Variants in RFK observed in about 807,000 individuals in gnomAD.
RFK encodes riboflavin kinase.
In RFK, 4 loss-of-function variants were observed where a neutral mutation model predicts 17.6. The observed-to-expected ratio is 0.23, with a 90% CI of 0.11 to 0.52. RFK has a LOEUF of 0.52. Ranked by LOEUF, RFK falls within the 20% of genes least tolerant of loss-of-function variation. The pLI, the probability that RFK is intolerant of heterozygous loss-of-function variation, is 0.96. For missense variants in RFK, 189 were observed against 187.7 expected (o/e 1.01, Z -0.04); for synonymous variants, 59 against 63.8 (o/e 0.92, Z 0.36).
chr9:76,391,726 C>A (rs546121889), intron 2 of RFK, among the ~76,000 whole-genome samples: 101 of 152,174 alleles, frequency 6.6e-4, no homozygotes, highest in African/African-American at 2.0e-3. Context: ...CATAAAAAAA[C>A]CAATTATTAA....
At chr9:76,391,806 A>G (rs2131554845) in intron 2 of RFK, among the ~76,000 whole-genome samples, 1 of 152,284 alleles carries the variant, frequency 6.6e-6, no homozygotes, top group East Asian at 1.9e-4. Flanking sequence ...GCATGTACCT[A>G]TAGTCCCAGC....
Position 76,392,420 on chromosome 9 carries a change from T to G in RFK, c.232A>C (p.Met78Leu). 3.1e-6 allele frequency: 5 copies of G among 1,614,146 alleles called. No homozygotes were observed. Among genetic ancestry groups the G allele is most frequent in the Non-Finnish European group, 4.2e-6 (5 of 1,180,012 alleles). The change falls in exon 2 of 4, where the codon ATG becomes CTG. Residue 78 changes from methionine (M) to leucine (L), a missense_variant and splice_region_variant. Physicochemically the swap from Met to Leu is conservative, Grantham distance 15. Around this residue, in one of 3 missense-constraint regions of RFK, gnomAD observed 95 missense variants for 95.7 expected, o/e 0.99. Coordinates refer to ENST00000376736, the MANE Select transcript of RFK (RefSeq NM_018339.6). ...ACAGAGCAAAATATAATGCTTACCA[T>G]AGACTTCTTCGTATTCTTGTAATAT... ...NPYYKNTKKS[M>L]ETHIMHTFKE... is the part of the protein sequence containing the mutation.
intron 1 of RFK, chr9:76,393,780 C>T: frequency 2.4e-6 from 1 of 420,480 alleles, no homozygotes; most frequent in South Asian, 4.2e-5. Flanking sequence ...AAGACAAGCG[C>T]AATGCTTGAC....
intron 3 of RFK, chr9:76,388,140 C>T (rs1822763977): frequency 2.5e-6 from 1 of 392,590 alleles, no homozygotes; most frequent in South Asian, 1.9e-5. Context: ...GTAAAAGAAA[C>T]TTTATAACAG....
At position 76,392,420 on chromosome 9, in the gene RFK, T is replaced by C. The variant is rs78648454; in HGVS notation, c.232A>G (p.Met78Val). Residue 78 changes from methionine to valine, a missense_variant and splice_region_variant, in exon 2 of 4, where the codon ATG (methionine) becomes GTG (valine). Met to Val is a conservative substitution (Grantham distance 21, BLOSUM62 1). Transcript: ENST00000376736. ...ACAGAGCAAAATATAATGCTTACCA[T>C]AGACTTCTTCGTATTCTTGTAATAT... ...NPYYKNTKKS[M>V]ETHIMHTFKE... 280 of 1,614,144 alleles carry C rather than the reference T, an allele frequency of 1.7e-4. 1 individual carries two copies. The East Asian group carries it at 2.1e-3, about 12-fold the overall frequency.
Position 76,394,323 on chromosome 9 carries a change from C to T in RFK, c.-152G>A. On this transcript the variant is annotated 5_prime_UTR_variant, in exon 1 of 4. Transcript: ENST00000376736. The stretch of plus-strand genomic sequence containing the variant: ...GCACCAGTGGCCGGACGACGCCGAC[C>T]ACAGGCCACTGCGAATCCCTGACGC... 1 of 640,796 alleles carries T rather than the reference C, an allele frequency of 1.6e-6. No homozygotes were observed. Among genetic ancestry groups the T allele is most frequent in the Non-Finnish European group, 2.5e-6 (1 of 399,636 alleles). 39.7% of individuals were successfully genotyped at this position (640,796 alleles called of 1,614,324 possible).
chr9:76,393,186 G>A (rs1198154229), intron 1 of RFK, among the ~76,000 whole-genome samples: 2 of 150,236 alleles, frequency 1.3e-5, no homozygotes, highest in African/African-American at 4.9e-5. Flanking sequence ...ACCAGGTACT[G>A]AATCACCTGA....
At position 76,387,477 on chromosome 9, in the gene RFK, T is replaced by C. The variant is rs188158713; in HGVS notation, c.390A>G (p.Leu130=). Residue 130 remains leucine, a synonymous_variant, in exon 4 of 4, where the codon CTA becomes CTG. Transcript: ENST00000376736. ...QGDIEEAKKR[L]ELPEHLKIKE... ...TGATTTTCAAATGTTCTGGTAACTC[T>C]AGTCGTTTCTTAGCTTCTTCAATAT... is the stretch of plus-strand genomic sequence containing the variant. 17 of 1,612,044 alleles carry C rather than the reference T, an allele frequency of 1.1e-5. No individual in the cohort carries two copies. Among genetic ancestry groups the C allele is most frequent in the African/African-American group, 1.3e-5 (1 of 75,054 alleles).
intron 1 of RFK, 45 bp downstream of exon 1, chr9:76,394,045 C>G: frequency 1.3e-6 from 2 of 1,542,416 alleles, no homozygotes; most frequent in Non-Finnish European, 1.8e-6. Context: ...TCTCCCCGCT[C>G]CCCACGTGAC....
In RFK at chr9:76,394,237, C is replaced by G. The variant is rs1231207896; in HGVS notation, c.-66G>C. The G allele has an allele frequency of 1.3e-6, 2 of 1,500,002 alleles. No individual in the cohort carries two copies. The highest frequency in any genetic ancestry group is 1.8e-6 in the Non-Finnish European group (2 of 1,112,716). 92.9% of individuals were successfully genotyped at this position (1,500,002 alleles called of 1,614,324 possible). A position where few individuals can be genotyped will look rare whatever the true frequency, so the allele number is the denominator to read the frequency against. Reference sequence around the variant, plus strand: ...GCGTCCTGCGGAGCCGCCGTCGACGCGGCGCCCAGACCCCGGACCAGCCGG... The same window carrying G: ...GCGTCCTGCGGAGCCGCCGTCGACGGGGCGCCCAGACCCCGGACCAGCCGG... On this transcript the variant is annotated 5_prime_UTR_variant, in exon 1 of 4. Coordinates refer to ENST00000376736, the MANE Select transcript of RFK (RefSeq NM_018339.6).
chr9:76,394,339 T>G lies in RFK; in HGVS notation c.-168A>C. 1 of 563,114 alleles carries G rather than the reference T, an allele frequency of 1.8e-6. No individual in the cohort carries two copies. Among genetic ancestry groups the G allele is most frequent in the African/African-American group, 2.0e-5 (1 of 49,814 alleles). The allele number at this position is 563,114 out of a possible 1,614,324, so 34.9% of individuals were successfully genotyped here. A position where few individuals can be genotyped will look rare whatever the true frequency, so the allele number is the denominator to read the frequency against. On this transcript the variant is annotated 5_prime_UTR_variant, in exon 1 of 4. Transcript: ENST00000376736. ...GACGCCGACCACAGGCCACTGCGAATCCCTGACGCCGCCGACCCAACAAAT... is the reference window on the plus strand; with the variant it reads ...GACGCCGACCACAGGCCACTGCGAAGCCCTGACGCCGCCGACCCAACAAAT...
In RFK at chr9:76,387,244, T is replaced by C. The variant is rs373599875; in HGVS notation, c.*155A>G. 7.7e-6 allele frequency: 5 copies of C among 652,560 alleles called. No homozygotes were observed. In the East Asian group the frequency reaches 1.0e-4, roughly 13 times the overall value. The allele number at this position is 652,560 out of a possible 1,614,324, so 40.4% of individuals were successfully genotyped here. A position where few individuals can be genotyped will look rare whatever the true frequency, so the allele number is the denominator to read the frequency against. On this transcript the variant is annotated 3_prime_UTR_variant, in exon 4 of 4. Transcript: ENST00000376736. ...TGATATGATGGGCTTAATTTAATAG[T>C]TGAAGCATGATATGATAACAACATT...
chr9:76,392,877 C>G (rs188291769), intron 1 of RFK, among the ~76,000 whole-genome samples: 1 of 152,280 alleles, frequency 6.6e-6, no homozygotes, highest in East Asian at 1.9e-4. Context: ...GCACTCCAGC[C>G]TGAGTGGCAG....
rs889841718 is a variant in RFK at position 76,392,481 on chromosome 9, A to G, written c.171T>C (p.Asp57=). The part of the protein sequence containing the change: ...YYGWASVGSG[D]VHKMVVSIGW... ...CTATGCTCACCACCATCTTATGGACATCTCCACTTCCAACACTGGCCCAAC... is the reference window on the plus strand; with the variant it reads ...CTATGCTCACCACCATCTTATGGACGTCTCCACTTCCAACACTGGCCCAAC... Residue 57 remains aspartate (D), a synonymous_variant, in exon 2 of 4, where the codon GAT becomes GAC. Coordinates refer to ENST00000376736, the MANE Select transcript of RFK (RefSeq NM_018339.6). The G allele has an allele frequency of 6.2e-7, 1 of 1,614,084 alleles. No individual in the cohort carries two copies. Among genetic ancestry groups the G allele is most frequent in the Non-Finnish European group, 8.5e-7 (1 of 1,180,016 alleles).
chr9:76,394,261 G>A lies in RFK; in HGVS notation c.-90C>T. 7.4e-7 allele frequency: 1 copy of A among 1,356,864 alleles called. No individual in the cohort carries two copies. Among genetic ancestry groups the A allele is most frequent in the South Asian group, 1.3e-5 (1 of 75,674 alleles). The allele number at this position is 1,356,864 out of a possible 1,614,324, so 84.1% of individuals were successfully genotyped here. A position where few individuals can be genotyped will look rare whatever the true frequency, so the allele number is the denominator to read the frequency against. On this transcript the variant is annotated 5_prime_UTR_variant, in exon 1 of 4. Coordinates refer to ENST00000376736, the MANE Select transcript of RFK (RefSeq NM_018339.6). ...GCGGCGCCCAGACCCCGGACCAGCC[G>A]GGGGACAGGAGCGTGAGCTCTGCCT...
intron 2 of RFK, among the ~76,000 whole-genome samples, chr9:76,389,207 C>A (rs1000560741): frequency 6.6e-6 from 1 of 152,094 alleles, no homozygotes; most frequent in Admixed American, 6.5e-5. Flanking sequence ...GTAGAAAGTG[C>A]CTCAGAATCT....
In RFK at chr9:76,393,857, C is replaced by T; in HGVS notation, c.82+233G>A. The T allele has an allele frequency of 7.7e-6, 4 of 516,966 alleles. No homozygotes were observed. The South Asian group carries it at 1.1e-4, about 14-fold the overall frequency. 32.0% of individuals were successfully genotyped at this position (516,966 alleles called of 1,614,324 possible). A position where few individuals can be genotyped will look rare whatever the true frequency, so the allele number is the denominator to read the frequency against. ...CCTGCGATTCATCTCGGGCTTCCGG[C>T]CCTCACCACCCCTCAACCCCGTCCC... On this transcript the variant is annotated intron_variant, in intron 1 of 3. Transcript: ENST00000376736.
chr9:76,389,295 C>CA (rs937729936), intron 2 of RFK, among the ~76,000 whole-genome samples: 3 of 152,108 alleles, frequency 2.0e-5, no homozygotes, highest in African/African-American at 7.2e-5. Context: ...TCTGGGTTCC[C>CA]ACACTTGGTT....
chr9:76,388,287 C>T (rs554489213), intron 3 of RFK: 4 of 568,878 alleles, frequency 7.0e-6, no homozygotes, highest in Non-Finnish European at 1.0e-5. Flanking sequence ...AGCCAGCCTG[C>T]TAGGTTCAAA....
Sources: allele counts gnomAD v4.1 joint callset (sites outside exome capture counted in the v4.1 genomes callset), GRCh38; gene constraint gnomAD v4.1.1; regional missense constraint gnomAD v4.1.1; transcripts MANE v1.5; gene names NCBI Gene and HGNC (gene_info 2026-07-23, HGNC 2026-07-21).